NBPF11: variants seen among roughly 807,000 people sequenced by gnomAD.
NBPF11 encodes NBPF member 11, also known as NBPF family member NBPF11.
A neutral mutation model predicts 93.9 loss-of-function variants in NBPF11; 72 were observed. The observed-to-expected ratio is 0.77, with a 90% CI of 0.63 to 0.93. The LOEUF (loss-of-function observed/expected upper bound fraction) is 0.93, where lower values mean the gene tolerates loss of function less well. Among genes scored for constraint, NBPF11 ranks in the 40% least tolerant of loss-of-function variants. NBPF11 has a pLI of 0.00. For synonymous variants in NBPF11, 224 were observed against 304.9 expected (o/e 0.73, Z 2.76); for missense variants, 705 against 802.2 (o/e 0.88, Z 1.46).
chr1:148,149,446 C>A, intron 1 of NBPF11: 4 of 1,586,710 alleles, frequency 2.5e-6, no homozygotes, highest in Non-Finnish European at 3.4e-6. Context: ...AGCGCTGCCC[C>A]AAGGCGGTGG....
chr1:148,110,929 TG>T (rs1665101359), intron 15 of NBPF11, among the ~76,000 whole-genome samples: 1 of 151,790 alleles, frequency 6.6e-6, no homozygotes, highest in Non-Finnish European at 1.5e-5. Flanking sequence ...ACACAGATCT[TG>T]TGTATTAAGG....
At chr1:148,128,032 G>A (rs1384694394) in intron 4 of NBPF11, among the ~76,000 whole-genome samples, 2 of 149,078 alleles carry the variant, frequency 1.3e-5, no homozygotes, top group South Asian at 2.1e-4. Flanking sequence ...TTTTGTTTTG[G>A]CCAAGTAATA....
chr1:148,145,748 G>A (rs1363961196), intron 1 of NBPF11, among the ~76,000 whole-genome samples: 3 of 150,870 alleles, frequency 2.0e-5, no homozygotes, highest in Non-Finnish European at 4.4e-5. Flanking sequence ...GCATGGTAGT[G>A]GTCTCCTGTA....
intron 10 of NBPF11, among the ~76,000 whole-genome samples, chr1:148,119,900 C>A (rs112325351): frequency 1.3e-5 from 2 of 152,052 alleles, no homozygotes; most frequent in African/African-American, 2.4e-5. Context: ...GTGCTCTACC[C>A]GCCTCAGCCT....
At chr1:148,127,087 C>G in intron 4 of NBPF11, 49 bp from the exon 5 acceptor site, 2 of 502,578 alleles carry the variant, frequency 4.0e-6, no homozygotes, top group Non-Finnish European at 3.4e-6. Context: ...CTGGTGAAAT[C>G]AAATAGGTTT....
rs1415328423 is a variant in NBPF11 at position 148,125,298 on chromosome 1, G to A, written c.176-297C>T. Among the ~76,000 whole-genome samples, 85 of 152,012 alleles carry A rather than the reference G, an allele frequency of 5.6e-4. 1 individual carries two copies. The highest frequency in any genetic ancestry group is 8.8e-4 in the Non-Finnish European group (60 of 67,994). The stretch of plus-strand genomic sequence containing the variant: ...GCCCCTGAGGTCTGACTCTGAATGC[G>A]GGGCCACTTTCCCAAGCCTTGCAGC... On this transcript the variant is annotated intron_variant, in intron 5 of 23. Coordinates refer to ENST00000682118, the MANE Select transcript of NBPF11 (RefSeq NM_001385469.3).
At chr1:148,141,873 T>G (rs1188421614) in intron 2 of NBPF11, among the ~76,000 whole-genome samples, 1 of 151,718 alleles carries the variant, frequency 6.6e-6, no homozygotes, top group Non-Finnish European at 1.5e-5. Context: ...CTCCAGAGAT[T>G]TTGATAAGCA....
chr1:148,147,066 A>G (rs1673262687), intron 1 of NBPF11: 17 of 878,862 alleles, frequency 1.9e-5, no homozygotes, highest in Non-Finnish European at 2.7e-5. Context: ...AGAGAGCCGG[A>G]CAGGCGAGCT....
rs1248977482 is a variant in NBPF11, at chr1:148,116,549, A to T, written c.1307-14T>A. 22 of 671,696 alleles carry T rather than the reference A, an allele frequency of 3.3e-5. No individual in the cohort carries two copies. Among genetic ancestry groups the T allele is most frequent in the Middle Eastern group, 7.9e-4 (2 of 2,522 alleles). The allele number at this position is 671,696 out of a possible 1,614,324, so 41.6% of individuals were successfully genotyped here. A position where few individuals can be genotyped will look rare whatever the true frequency, so the allele number is the denominator to read the frequency against. ...CGTTATCATTTTCTGTAAATACAGA[A>T]GTGTTCATTCAGATATTTCCCACTT... On this transcript the variant is annotated splice_polypyrimidine_tract_variant and intron_variant, in intron 12 of 23. Coordinates refer to ENST00000682118, the MANE Select transcript of NBPF11 (RefSeq NM_001385469.3).
intron 6 of NBPF11, among the ~76,000 whole-genome samples, chr1:148,124,554 G>A (rs56339190): frequency 1.5e-4 from 21 of 143,358 alleles, no homozygotes; most frequent in African/African-American, 3.9e-4. Flanking sequence ...AGTCAGTCAG[G>A]AGGTGATTCT....
At position 148,124,195 on chromosome 1, in the gene NBPF11, A is replaced by T. The variant is rs1437590339; in HGVS notation, c.279-128T>A. 8.5e-6 allele frequency: 6 copies of T among 708,244 alleles called. No individual in the cohort carries two copies. The East Asian group carries it at 1.6e-4, about 19-fold the overall frequency. 43.9% of individuals were successfully genotyped at this position (708,244 alleles called of 1,614,324 possible). On this transcript the variant is annotated intron_variant, in intron 6 of 23. Coordinates refer to ENST00000682118, the MANE Select transcript of NBPF11 (RefSeq NM_001385469.3). ...CAAGCAGAAGGTCAGCACATGTTGAAAGGAATGTCTGTGGCCAAGAGAAAG... is the reference window on the plus strand; with the variant it reads ...CAAGCAGAAGGTCAGCACATGTTGATAGGAATGTCTGTGGCCAAGAGAAAG...
At position 148,126,206 on chromosome 1, in the gene NBPF11, G is replaced by T. The variant is rs1464070563; in HGVS notation, c.175+623C>A. ...AGTGGAGACGGGGTTTCTCCATGTT[G>T]CCCAGGCTAGTCTCAAACTGCTGAC... is the stretch of plus-strand genomic sequence containing the variant. On this transcript the variant is annotated intron_variant, in intron 5 of 23. Transcript: ENST00000682118. Among the ~76,000 whole-genome samples, 97 of 151,868 alleles carry T rather than the reference G, an allele frequency of 6.4e-4. No homozygotes were observed. In the East Asian group the frequency reaches 0.011, roughly 18 times the overall value.
chr1:148,102,773 CT>C lies in NBPF11; in HGVS notation c.*1122del, dbSNP rs1217816885. ...GAAATGCAGCTACATTATCTTTTTA[CT>C]TTTTTTCAACCCAAAATATCTCTTC... On this transcript the variant is annotated 3_prime_UTR_variant, in exon 24 of 24. Coordinates refer to ENST00000682118, the MANE Select transcript of NBPF11 (RefSeq NM_001385469.3). 2 of 150,642 alleles carry C rather than the reference CT, an allele frequency of 1.3e-5. No homozygotes were observed. The highest frequency in any genetic ancestry group is 1.9e-4 in the East Asian group (1 of 5,176). The allele number at this position is 150,642 out of a possible 1,614,324, so 9.3% of individuals were successfully genotyped here.
chr1:148,147,487 G>A (rs2149310367), intron 1 of NBPF11, among the ~76,000 whole-genome samples: 1 of 152,156 alleles, frequency 6.6e-6, no homozygotes, highest in African/African-American at 2.4e-5. Flanking sequence ...CCAGCCCTGT[G>A]CTTGCCTGGG....
At chr1:148,127,788 G>A (rs1192293438) in intron 4 of NBPF11, among the ~76,000 whole-genome samples, 14 of 147,842 alleles carry the variant, frequency 9.5e-5, no homozygotes, top group South Asian at 4.4e-4. Flanking sequence ...GAATACAGGC[G>A]CCCGCCACCA....
At chr1:148,148,473 G>C (rs1647311053) in intron 1 of NBPF11, among the ~76,000 whole-genome samples, 1 of 152,018 alleles carries the variant, frequency 6.6e-6, no homozygotes, top group Non-Finnish European at 1.5e-5. Context: ...CCAATGACCT[G>C]GGGGTGAGGG....
At chr1:148,109,541 T>A in intron 16 of NBPF11, 1 of 634,080 alleles carries the variant, frequency 1.6e-6, no homozygotes, top group Non-Finnish European at 2.8e-6. Context: ...AAAATTCCCC[T>A]GTGTTGGAAT....
chr1:148,143,138 A>T (rs1445336330), intron 2 of NBPF11, among the ~76,000 whole-genome samples: 1 of 151,796 alleles, frequency 6.6e-6, no homozygotes, highest in Non-Finnish European at 1.5e-5. Flanking sequence ...GAGAGAGGAG[A>T]GGGATGCAGA....
At chr1:148,132,423 G>C (rs1670558889) in intron 4 of NBPF11, among the ~76,000 whole-genome samples, 1 of 148,846 alleles carries the variant, frequency 6.7e-6, no homozygotes, top group Non-Finnish European at 1.5e-5. Flanking sequence ...GAAATAGGTA[G>C]TGAATTCATT....
Sources: gnomAD v4.1 joint callset for allele counts (sites outside exome capture counted in the v4.1 genomes callset) on GRCh38, gnomAD v4.1.1 for gene constraint, MANE v1.5 for transcripts, NCBI Gene and HGNC (gene_info 2026-07-23, HGNC 2026-07-21) for gene names.